The following PBX1 variants were observed in gnomAD, a reference collection of about 807,000 sequenced individuals.
The protein encoded by PBX1 is pre-B-cell leukemia transcription factor 1.
A neutral mutation model predicts 53.4 loss-of-function variants in PBX1; 6 were observed. The observed-to-expected ratio is 0.11, with a 90% CI of 0.06 to 0.22. The LOEUF is 0.22. Among genes scored for constraint, PBX1 ranks in the 10% least tolerant of loss-of-function variants. The probability of loss-of-function intolerance (pLI) is 1.00; values close to 1 mark genes in which losing one functional copy is unlikely to be tolerated. For synonymous variants in PBX1, 204 were observed against 212.3 expected, an observed-to-expected ratio of 0.96 and a Z score of 0.34; for missense variants, 251 against 551.4, an observed-to-expected ratio of 0.46 and a Z score of 5.46.
chr1:164,869,766 G>A (rs1044725302), intron 2 of PBX1, among the ~76,000 whole-genome samples: 2 of 152,220 alleles, frequency 1.3e-5, no homozygotes, highest in African/African-American at 4.8e-5. Flanking sequence ...AGGCAGTGGG[G>A]CATGTAATTT....
chr1:164,739,868 C>G (rs1665512707), intron 2 of PBX1, among the ~76,000 whole-genome samples: 1 of 151,894 alleles, frequency 6.6e-6, no homozygotes, highest in Admixed American at 6.6e-5. Context: ...ACGTTGAACT[C>G]TTCGATTAAC....
intron 2 of PBX1, among the ~76,000 whole-genome samples, chr1:164,702,722 G>GA (rs1478985493): frequency 2.7e-5 from 4 of 150,428 alleles, no homozygotes; most frequent in Non-Finnish European, 4.4e-5. Flanking sequence ...GACAGAGGGG[G>GA]AAATCACTTC....
At chr1:164,817,257 A>T (rs1168687954) in intron 6 of PBX1, 1 of 152,168 alleles carries the variant, frequency 6.6e-6, no homozygotes, top group Non-Finnish European at 1.5e-5. Context: ...ATGCCACAGC[A>T]CCTCCAAGAG....
rs1171916726 is a variant in PBX1 at position 164,673,465 on chromosome 1, C to CTTTTTTTTT, written c.265+110169_265+110177dup. 8.7e-4 allele frequency among the ~76,000 whole-genome samples: 95 copies of CTTTTTTTTT among 109,400 alleles called. 3 individuals are homozygous for CTTTTTTTTT. Among genetic ancestry groups the CTTTTTTTTT allele is most frequent in the African/African-American group, 3.8e-3 (95 of 25,308 alleles). The allele number at this position is 109,400 out of a possible 152,430, so 71.8% of individuals were successfully genotyped here. A position where few individuals can be genotyped will look rare whatever the true frequency, so the allele number is the denominator to read the frequency against. The stretch of plus-strand genomic sequence containing the variant: ...TTTTTTTCTTCTGGAAAATTACTAA[C>CTTTTTTTTT]TTTTTTTTTTTTTTTTTTTTTTTGA... On this transcript the variant is annotated intron_variant, in intron 2 of 8. Transcript: ENST00000420696.
chr1:164,704,862 A>T (rs1275779253), intron 2 of PBX1, among the ~76,000 whole-genome samples: 1 of 152,232 alleles, frequency 6.6e-6, no homozygotes, highest in Non-Finnish European at 1.5e-5. Flanking sequence ...TTAGGTTTTA[A>T]GAGCATATTT....
chr1:164,885,841 T>C (rs1219545525), intron 2 of PBX1, among the ~76,000 whole-genome samples: 1 of 152,080 alleles, frequency 6.6e-6, no homozygotes, highest in East Asian at 1.9e-4. Context: ...CCATCTGGCA[T>C]TTCCTATCCT....
intron 2 of PBX1, among the ~76,000 whole-genome samples, chr1:164,719,078 C>T (rs895812967): frequency 1.3e-5 from 2 of 152,082 alleles, no homozygotes; most frequent in Admixed American, 6.5e-5. Flanking sequence ...GCAATGACCC[C>T]GTCAGATCTG....
intron 2 of PBX1, among the ~76,000 whole-genome samples, chr1:164,876,177 TAG>T (rs1672506674): frequency 6.6e-6 from 1 of 151,776 alleles, no homozygotes; most frequent in African/African-American, 2.4e-5. Flanking sequence ...ACTTTGCAAA[TAG>T]AGTGTTATGT....
At chr1:164,746,298 G>A (rs572835256) in intron 2 of PBX1, among the ~76,000 whole-genome samples, 1 of 152,280 alleles carries the variant, frequency 6.6e-6, no homozygotes, top group Non-Finnish European at 1.5e-5. Context: ...GGTAAAAGTG[G>A]TAACAAGTAG....
At chr1:164,581,467 C>T (rs534674650) in intron 2 of PBX1, among the ~76,000 whole-genome samples, 1 of 152,190 alleles carries the variant, frequency 6.6e-6, no homozygotes, top group Admixed American at 6.5e-5. Context: ...ACCTTGTGAT[C>T]CGCCTGCCTC....
chr1:164,823,865 A>G (rs1670289203), intron 8 of PBX1, among the ~76,000 whole-genome samples: 1 of 151,998 alleles, frequency 6.6e-6, no homozygotes, highest in Admixed American at 6.5e-5. Flanking sequence ...TGATCGTGAT[A>G]TGTTCTTTTG....
Position 164,659,079 on chromosome 1 carries a change from A to G in PBX1, c.265+95768A>G, listed in dbSNP as rs373385751. ...GTCTGATGGGTAGGAGGCACTAAGA[A>G]AGGGCTGATTCATTCATCATCTCTT... On this transcript the variant is annotated intron_variant, in intron 2 of 8. Transcript: ENST00000420696. Among the ~76,000 whole-genome samples the G allele has an allele frequency of 7.2e-5, 11 of 152,186 alleles. No homozygotes were observed. In the East Asian group the frequency reaches 7.7e-4, roughly 11 times the overall value.
intron 2 of PBX1, among the ~76,000 whole-genome samples, chr1:164,645,753 G>C (rs974357616): frequency 1.3e-5 from 2 of 152,144 alleles, no homozygotes; most frequent in South Asian, 4.1e-4. Context: ...AATTGGAAAT[G>C]GTAATGAGAT....
chr1:164,731,423 A>C (rs1488536520), intron 2 of PBX1, among the ~76,000 whole-genome samples: 1 of 152,170 alleles, frequency 6.6e-6, no homozygotes, highest in African/African-American at 2.4e-5. Context: ...GGAAACATAA[A>C]TAAAGCCCGG....
chr1:164,715,674 T>G (rs1454184976), intron 2 of PBX1, among the ~76,000 whole-genome samples: 2 of 152,216 alleles, frequency 1.3e-5, no homozygotes, highest in African/African-American at 2.4e-5. Flanking sequence ...TACTTTTGCT[T>G]GACTAGCTCA....
chr1:164,869,893 A>T (rs1028261151), intron 2 of PBX1, among the ~76,000 whole-genome samples: 2 of 152,166 alleles, frequency 1.3e-5, no homozygotes, highest in Non-Finnish European at 2.9e-5. Context: ...AGCACATTCA[A>T]AGGTCCTGGG....
At chr1:164,773,678 C>A (rs1667501259) in intron 2 of PBX1, among the ~76,000 whole-genome samples, 1 of 152,112 alleles carries the variant, frequency 6.6e-6, no homozygotes, top group African/African-American at 2.4e-5. Flanking sequence ...CAACCGTACC[C>A]CACACTGCAT....
At position 164,573,632 on chromosome 1, in the gene PBX1, CA is replaced by C. The variant is rs572180227; in HGVS notation, c.265+10322del. Among the ~76,000 whole-genome samples, 113 of 152,014 alleles carry C rather than the reference CA, an allele frequency of 7.4e-4. No homozygotes were observed. The Middle Eastern group carries it at 0.01, about 14-fold the overall frequency. On this transcript the variant is annotated intron_variant, in intron 2 of 8. Transcript: ENST00000420696. Reference sequence around the variant, plus strand: ...TCAGCCTCCCAAGTAGCTGGGATTACAGGCGCCTGCCACTACACACCCTGCT... The same window carrying C: ...TCAGCCTCCCAAGTAGCTGGGATTACGGCGCCTGCCACTACACACCCTGCT...
At chr1:164,834,193 T>C (rs180964070) in intron 8 of PBX1, among the ~76,000 whole-genome samples, 1 of 152,074 alleles carries the variant, frequency 6.6e-6, no homozygotes, top group Non-Finnish European at 1.5e-5. Flanking sequence ...CACTCATTTG[T>C]TTAGTAGATG....
Sources: gnomAD v4.1 joint callset for allele counts (sites outside exome capture counted in the v4.1 genomes callset) on GRCh38, gnomAD v4.1.1 for gene constraint, MANE v1.5 for transcripts, NCBI Gene and HGNC (gene_info 2026-07-23, HGNC 2026-07-21) for gene names.